Variants in PHF3 observed in about 807,000 individuals in gnomAD.
The protein encoded by PHF3 is PHD finger protein 3.
PHF3 carries 41 observed loss-of-function variants against 178.4 expected under a neutral mutation model. The ratio of observed to expected loss-of-function variants is 0.23; its 90% confidence interval spans 0.18 to 0.30. The LOEUF is 0.30. Ranked by LOEUF, PHF3 falls within the 10% of genes least tolerant of loss-of-function variation. The probability of loss-of-function intolerance (pLI) is 1.00; values close to 1 mark genes in which losing one functional copy is unlikely to be tolerated. For synonymous variants in PHF3, 842 were observed against 800.5 expected (o/e 1.05, Z -0.88); for missense variants, 2,346 against 2,398.1 (o/e 0.98, Z 0.45).
chr6:63,696,179 A>G (rs1340186026), intron 6 of PHF3, among the ~76,000 whole-genome samples: 1 of 152,206 alleles, frequency 6.6e-6, no homozygotes, highest in African/African-American at 2.4e-5. Context: ...AAAATCTGAA[A>G]TTGAAAATAC....
At chr6:63,683,471 C>A (rs954481050) in intron 3 of PHF3, among the ~76,000 whole-genome samples, 3 of 152,018 alleles carry the variant, frequency 2.0e-5, no homozygotes, top group Non-Finnish European at 4.4e-5. Context: ...TTCATACTTT[C>A]CTTATGATAC....
chr6:63,693,575 T>C (rs1013477486), intron 5 of PHF3, among the ~76,000 whole-genome samples: 3 of 152,228 alleles, frequency 2.0e-5, no homozygotes, highest in Admixed American at 6.5e-5. Context: ...TGTGCCACTT[T>C]ATTCCAGCTT....
rs1277308199 is a variant in PHF3, at chr6:63,700,379, A to G, written c.3012A>G (p.Glu1004=). ...TATTTAAAAAAGTACTGAAAGGAGA[A>G]GTAACTCCTGATCATCTTATCAGAA... ...NILFKKVLKG[E]VTPDHLIRMS... Residue 1004 remains glutamate (E), a synonymous_variant, in exon 9 of 16, where the codon GAA becomes GAG. Coordinates refer to ENST00000262043, the MANE Select transcript of PHF3 (RefSeq NM_001370348.2). 3.2e-6 allele frequency: 5 copies of G among 1,582,286 alleles called. No individual in the cohort carries two copies. Among genetic ancestry groups the G allele is most frequent in the Middle Eastern group, 3.4e-4 (2 of 5,932 alleles).
At chr6:63,643,129 A>G (rs1217504151) in intron 1 of PHF3, among the ~76,000 whole-genome samples, 1 of 151,716 alleles carries the variant, frequency 6.6e-6, no homozygotes, top group Non-Finnish European at 1.5e-5. Flanking sequence ...TTTTTTTGCT[A>G]CTGTCCCTTT....
At chr6:63,664,697 CTTAA>C (rs934940508) in intron 2 of PHF3, among the ~76,000 whole-genome samples, 12 of 151,896 alleles carry the variant, frequency 7.9e-5, no homozygotes, top group African/African-American at 2.7e-4. Context: ...ATTGCACATG[CTTAA>C]TTAGTTTTGG....
At position 63,698,268 on chromosome 6, in the gene PHF3, G is replaced by A. The variant is rs1353135320; in HGVS notation, c.2726G>A (p.Gly909Glu). 6.2e-7 allele frequency: 1 copy of A among 1,612,412 alleles called. No individual in the cohort carries two copies. Among genetic ancestry groups the A allele is most frequent in the East Asian group, 2.2e-5 (1 of 44,794 alleles). The change falls in exon 7 of 16, where the codon GGA (glycine) becomes GAA (glutamate). Residue 909 changes from glycine to glutamate, a missense_variant. Gly to Glu is a moderately conservative substitution (Grantham distance 98). Coordinates refer to ENST00000262043, the MANE Select transcript of PHF3 (RefSeq NM_001370348.2). ...QEMKKKKVEKGVLNVHPAASA... is the reference protein window; with the variant it reads ...QEMKKKKVEKEVLNVHPAASA... ...ATGAAAAAGAAGAAAGTTGAAAAAG[G>A]AGTGCTTAATGTACATCCTGCTGCT... is the stretch of plus-strand genomic sequence containing the variant.
chr6:63,641,521 G>GGTGT (rs1237880994), intron 1 of PHF3, among the ~76,000 whole-genome samples: 68 of 128,400 alleles, frequency 5.3e-4, no homozygotes, highest in African/African-American at 1.1e-3. Context: ...TTTATTGTTA[G>GGTGT]GTGTGTATGT....
intron 9 of PHF3, 55 bp from the exon 10 acceptor site, chr6:63,702,453 C>CAT: frequency 1.6e-6 from 2 of 1,216,228 alleles, no homozygotes; most frequent in Non-Finnish European, 2.3e-6. Context: ...TTAAGGTGTA[C>CAT]ACTTGGAAAT....
rs370215695 is a variant in PHF3 at position 63,713,499 on chromosome 6, A to G, written c.5911A>G (p.Arg1971Gly). 4 of 1,613,860 alleles carry G rather than the reference A, an allele frequency of 2.5e-6. No homozygotes were observed. The highest frequency in any genetic ancestry group is 1.7e-4 in the Middle Eastern group (1 of 6,056). ...GGAGGAAGGGCACAAAGATAAAGAG[A>G]GGGCACGGTTATCACATGGTGATCG... ...SREEGHKDKERARLSHGDRGT... is the reference protein window; with the variant it reads ...SREEGHKDKEGARLSHGDRGT... The change falls in exon 16 of 16, where the codon AGG becomes GGG. Residue 1971 changes from arginine (R) to glycine (G), a missense_variant. This residue lies in a region of PHF3 where 839 missense variants were observed against 806.9 expected (regional missense o/e 1.04). Transcript: ENST00000262043.
intron 2 of PHF3, among the ~76,000 whole-genome samples, chr6:63,669,614 C>T (rs963176099): frequency 1.3e-5 from 2 of 152,094 alleles, no homozygotes; most frequent in Admixed American, 1.3e-4. Context: ...AACACATGGA[C>T]AAATAAACCA....
In PHF3 at chr6:63,712,520, G is replaced by C; in HGVS notation, c.4932G>C (p.Gln1644His). 6.2e-7 allele frequency: 1 copy of C among 1,613,918 alleles called. No individual in the cohort carries two copies. Among genetic ancestry groups the C allele is most frequent in the Admixed American group, 1.7e-5 (1 of 59,962 alleles). ...NLVANTARSP[Q>H]FINLKRDPRQ... ...TTGCTAATACAGCGAGGTCTCCACAGTTTATCAACCTGAAAAGGGATCCTA... is the reference window on the plus strand; with the variant it reads ...TTGCTAATACAGCGAGGTCTCCACACTTTATCAACCTGAAAAGGGATCCTA... Residue 1644 changes from glutamine (Q) to histidine (H), a missense_variant, in exon 16 of 16, where the codon CAG becomes CAC. Physicochemically the swap from Gln to His is conservative, Grantham distance 24. This residue lies in a region of PHF3 where 839 missense variants were observed against 806.9 expected (regional missense o/e 1.04). Coordinates refer to ENST00000262043, the MANE Select transcript of PHF3 (RefSeq NM_001370348.2).
intron 9 of PHF3, among the ~76,000 whole-genome samples, chr6:63,701,836 C>T (rs960022112): frequency 3.3e-5 from 5 of 152,166 alleles, no homozygotes; most frequent in African/African-American, 1.2e-4. Flanking sequence ...ACATCTGTAT[C>T]AGAAAATGCC....
chr6:63,723,429 G>T lies in PHF3; in HGVS notation c.*9721G>T, dbSNP rs1437289700. 6.6e-6 allele frequency among the ~76,000 whole-genome samples: 1 copy of T among 152,118 alleles called. No homozygotes were observed. Among genetic ancestry groups the T allele is most frequent in the Non-Finnish European group, 1.5e-5 (1 of 68,016 alleles). On this transcript the variant is annotated 3_prime_UTR_variant, in exon 16 of 16. Transcript: ENST00000262043. ...AGTGAACACAAACCAGTTATCTTTTGCAAGATTATGGAGGAAGCTTTTCTT... is the reference window on the plus strand; with the variant it reads ...AGTGAACACAAACCAGTTATCTTTTTCAAGATTATGGAGGAAGCTTTTCTT...
chr6:63,679,465 C>T (rs528619005), intron 2 of PHF3, among the ~76,000 whole-genome samples: 1 of 151,738 alleles, frequency 6.6e-6, no homozygotes, highest in South Asian at 2.1e-4. Context: ...TTTTTCCTCT[C>T]TCTGTTTTTT....
At chr6:63,700,967 G>A (rs1454851917) in intron 9 of PHF3, among the ~76,000 whole-genome samples, 2 of 151,986 alleles carry the variant, frequency 1.3e-5, no homozygotes, top group Non-Finnish European at 2.9e-5. Flanking sequence ...ATTTTCTCCA[G>A]TTACTAGGTT....
At chr6:63,675,481 T>G (rs114520315) in intron 2 of PHF3, among the ~76,000 whole-genome samples, 1 of 152,116 alleles carries the variant, frequency 6.6e-6, no homozygotes, top group Non-Finnish European at 1.5e-5. Flanking sequence ...AGAAAAAACA[T>G]ACTGGAGGTG....
Position 63,712,406 on chromosome 6 carries a change from A to G in PHF3, c.4818A>G (p.Gln1606=). ...QLQEDQENNL[Q]DNQTSNSSPC... is the part of the protein sequence containing the mutation. ...AGGAAGATCAAGAGAATAATTTGCA[A>G]GATAACCAGACTTCAAATAGTTCTC... Residue 1606 remains glutamine (Q), a synonymous_variant, in exon 16 of 16, where the codon CAA becomes CAG. Coordinates refer to ENST00000262043, the MANE Select transcript of PHF3 (RefSeq NM_001370348.2). 2 of 1,613,862 alleles carry G rather than the reference A, an allele frequency of 1.2e-6. No individual in the cohort carries two copies. The highest frequency in any genetic ancestry group is 8.5e-7 in the Non-Finnish European group (1 of 1,179,830).
Position 63,724,432 on chromosome 6 carries a change from A to G in PHF3, c.*10724A>G, listed in dbSNP as rs1293175952. ...TTAAACTTATTTATATATTTTTAAT[A>G]TAGTTTAATTATTTGAGTATGTTTT... is the stretch of plus-strand genomic sequence containing the variant. On this transcript the variant is annotated 3_prime_UTR_variant, in exon 16 of 16. Transcript: ENST00000262043. 6.6e-6 allele frequency among the ~76,000 whole-genome samples: 1 copy of G among 152,162 alleles called. No homozygotes were observed. Among genetic ancestry groups the G allele is most frequent in the Non-Finnish European group, 1.5e-5 (1 of 68,022 alleles).
At chr6:63,671,144 G>A (rs980102413) in intron 2 of PHF3, among the ~76,000 whole-genome samples, 4 of 151,628 alleles carry the variant, frequency 2.6e-5, no homozygotes, top group Middle Eastern at 3.4e-3. Flanking sequence ...TTACAGTAAC[G>A]TGATTTTCAT....
Sources: allele counts gnomAD v4.1 joint callset (sites outside exome capture counted in the v4.1 genomes callset), GRCh38; gene constraint gnomAD v4.1.1; regional missense constraint gnomAD v4.1.1; transcripts MANE v1.5; gene names NCBI Gene and HGNC (gene_info 2026-07-23, HGNC 2026-07-21).